The following ISOC1 variants were observed in gnomAD, a reference collection of about 807,000 sequenced individuals.
ISOC1 encodes the protein isochorismatase domain-containing protein 1.
In ISOC1, 33 loss-of-function variants were observed where a neutral mutation model predicts 30.0. That is an observed-to-expected ratio of 1.10 (90% CI 0.83 to 1.47). The LOEUF is 1.47. Among genes scored for constraint, ISOC1 ranks in the 40% most tolerant of loss-of-function variants. ISOC1 has a pLI of 0.00. For synonymous variants in ISOC1, 178 were observed against 159.8 expected, an observed-to-expected ratio of 1.11 and a Z score of -0.86; for missense variants, 372 against 388.0, an observed-to-expected ratio of 0.96 and a Z score of 0.35.
At position 129,105,172 on chromosome 5, in the gene ISOC1, T is replaced by C; in HGVS notation, c.430-13T>C. The C allele has an allele frequency of 6.2e-7, 1 of 1,613,196 alleles. No individual in the cohort carries two copies. The highest frequency in any genetic ancestry group is 8.5e-7 in the Non-Finnish European group (1 of 1,179,630). ...ATAGCTAATTGTTTTTGTGTTTGGT[T>C]ATTTTTTTTCAGTTGCAAGGGGCCC... On this transcript the variant is annotated splice_polypyrimidine_tract_variant and intron_variant, in intron 2 of 4. Transcript: ENST00000173527.
At chr5:129,111,053 T>C (rs1177034601) in intron 4 of ISOC1, among the ~76,000 whole-genome samples, 1 of 152,162 alleles carries the variant, frequency 6.6e-6, no homozygotes, top group Non-Finnish European at 1.5e-5. Flanking sequence ...CAGCTTATCA[T>C]ATTTATTATC....
intron 3 of ISOC1, among the ~76,000 whole-genome samples, chr5:129,106,690 C>CT (rs1753641275): frequency 6.6e-6 from 1 of 152,172 alleles, no homozygotes. Flanking sequence ...TTGTAAAACT[C>CT]TAAGAATATG....
chr5:129,112,365 C>T (rs186775294), intron 4 of ISOC1, among the ~76,000 whole-genome samples: 1 of 152,176 alleles, frequency 6.6e-6, no homozygotes, highest in East Asian at 1.9e-4. Flanking sequence ...TAAAAAATCT[C>T]AGTAGTAGAA....
At chr5:129,110,127 CT>C (rs1437691272) in intron 4 of ISOC1, among the ~76,000 whole-genome samples, 1 of 152,116 alleles carries the variant, frequency 6.6e-6, no homozygotes, top group Non-Finnish European at 1.5e-5. Flanking sequence ...TGGGTTTAGT[CT>C]TTTTCCCCCC....
chr5:129,100,643 T>C (rs1343190214), intron 1 of ISOC1, among the ~76,000 whole-genome samples: 1 of 152,192 alleles, frequency 6.6e-6, no homozygotes, highest in Non-Finnish European at 1.5e-5. Context: ...AACATGTAAA[T>C]GTTTGGCTAC....
At chr5:129,103,635 G>T (rs372483773) in intron 1 of ISOC1, among the ~76,000 whole-genome samples, 2 of 152,286 alleles carry the variant, frequency 1.3e-5, no homozygotes, top group East Asian at 3.9e-4. Flanking sequence ...AAGGATTAAA[G>T]ATTTCTTAAT....
chr5:129,108,126 G>A (rs1753660449), intron 4 of ISOC1, among the ~76,000 whole-genome samples: 1 of 152,210 alleles, frequency 6.6e-6, no homozygotes, highest in African/African-American at 2.4e-5. Flanking sequence ...AGACCCTCCA[G>A]TGTTCTATGC....
At chr5:129,110,271 T>G (rs916034616) in intron 4 of ISOC1, among the ~76,000 whole-genome samples, 1 of 152,194 alleles carries the variant, frequency 6.6e-6, no homozygotes, top group Non-Finnish European at 1.5e-5. Flanking sequence ...CTAATGCACA[T>G]GTACCTGTGT....
At chr5:129,105,426 T>G (rs2287751) in intron 3 of ISOC1, 38 bp downstream of exon 3, 1 of 1,530,890 alleles carries the variant, frequency 6.5e-7, no homozygotes, top group East Asian at 2.3e-5. Flanking sequence ...ACAATATTAT[T>G]TATAGAAAAC....
At chr5:129,096,296 C>G (rs1187681296) in intron 1 of ISOC1, among the ~76,000 whole-genome samples, 1 of 152,126 alleles carries the variant, frequency 6.6e-6, no homozygotes, top group Non-Finnish European at 1.5e-5. Context: ...AGAGCTTATT[C>G]CTATTATCTG....
At position 129,094,845 on chromosome 5, in the gene ISOC1, C is replaced by G; in HGVS notation, c.79C>G (p.Pro27Ala). Reference sequence around the variant, plus strand: ...CGCGGGGGCGCCGTCGGGCACAGTCCCGGTGCTCTTCTGTTTCTCAGTCTT... The same window carrying G: ...CGCGGGGGCGCCGTCGGGCACAGTCGCGGTGCTCTTCTGTTTCTCAGTCTT... ...GGAGAPSGTV[P>A]VLFCFSVFAR... is the part of the protein sequence containing the mutation. The change falls in exon 1 of 5, where the codon CCG becomes GCG. Residue 27 changes from proline to alanine, a missense_variant. Coordinates refer to ENST00000173527, the MANE Select transcript of ISOC1 (RefSeq NM_016048.2). The G allele has an allele frequency of 6.4e-7, 1 of 1,566,824 alleles. No homozygotes were observed. Among genetic ancestry groups the G allele is most frequent in the Non-Finnish European group, 8.6e-7 (1 of 1,158,524 alleles).
Position 129,113,416 on chromosome 5 carries a change from A to T in ISOC1, c.*415A>T, listed in dbSNP as rs996526392. 1 of 155,456 alleles carries T rather than the reference A, an allele frequency of 6.4e-6. No individual in the cohort carries two copies. Among genetic ancestry groups the T allele is most frequent in the Admixed American group, 6.3e-5 (1 of 15,766 alleles). 9.6% of individuals were successfully genotyped at this position (155,456 alleles called of 1,614,324 possible). On this transcript the variant is annotated 3_prime_UTR_variant, in exon 5 of 5. Transcript: ENST00000173527. The stretch of plus-strand genomic sequence containing the variant: ...GTAAGATGTTATAATGTTAATGTGG[A>T]TGTAGTGCTTTTACTTTACAGATTG...
intron 1 of ISOC1, 91 bp downstream of exon 1, chr5:129,095,166 C>T: frequency 7.8e-7 from 1 of 1,286,634 alleles, no homozygotes; most frequent in Non-Finnish European, 1.0e-6. Context: ...CCTCAGGTGC[C>T]CCGAGCCGCC....
At chr5:129,109,203 A>G (rs1753674064) in intron 4 of ISOC1, among the ~76,000 whole-genome samples, 1 of 152,228 alleles carries the variant, frequency 6.6e-6, no homozygotes, top group Non-Finnish European at 1.5e-5. Flanking sequence ...CTCTCGGATT[A>G]GGAATCCACA....
intron 1 of ISOC1, chr5:129,097,647 A>T (rs891521608): frequency 6.6e-6 from 1 of 152,330 alleles, no homozygotes; most frequent in African/African-American, 2.4e-5. Context: ...AGTGCAGAAG[A>T]ACATAGGGAG....
At position 129,112,858 on chromosome 5, in the gene ISOC1, C is replaced by G. The variant is rs1753727377; in HGVS notation, c.754C>G (p.Leu252Val). 1 of 1,611,842 alleles carries G rather than the reference C, an allele frequency of 6.2e-7. No homozygotes were observed. The change falls in exon 5 of 5, where the codon CTC becomes GTC. Residue 252 changes from leucine to valine, a missense_variant. Coordinates refer to ENST00000173527, the MANE Select transcript of ISOC1 (RefSeq NM_016048.2). Reference protein sequence around the residue: ...MMDRMFALERLARTGIIVTTS... With the variant: ...MMDRMFALERVARTGIIVTTS... ...TGCCTTTATCTTTTTGTTCAAGCGT[C>G]TCGCTCGAACCGGGATCATAGTGAC...
chr5:129,106,235 T>C (rs552554517), intron 3 of ISOC1, among the ~76,000 whole-genome samples: 4 of 152,304 alleles, frequency 2.6e-5, no homozygotes, highest in African/African-American at 7.2e-5. Flanking sequence ...TAATGAGGTG[T>C]CATTTGATAA....
chr5:129,112,876 A>G lies in ISOC1; in HGVS notation c.772A>G (p.Ile258Val), dbSNP rs769029815. The G allele has an allele frequency of 5.9e-5, 96 of 1,613,550 alleles. No individual in the cohort carries two copies. The highest frequency in any genetic ancestry group is 5.0e-4 in the Middle Eastern group (3 of 6,056). Residue 258 changes from isoleucine to valine, a missense_variant, in exon 5 of 5, where the codon ATA (isoleucine) becomes GTA (valine). Physicochemically the swap from Ile to Val is conservative, Grantham distance 29. Transcript: ENST00000173527. ...ALERLARTGI[I>V]VTTSEAVLLQ... ...CAAGCGTCTCGCTCGAACCGGGATC[A>G]TAGTGACCACGAGTGAGGCTGTTCT...
At chr5:129,106,028 CA>C (rs1753632677) in intron 3 of ISOC1, among the ~76,000 whole-genome samples, 1 of 152,114 alleles carries the variant, frequency 6.6e-6, no homozygotes, top group Non-Finnish European at 1.5e-5. Context: ...TAGGTTTTAA[CA>C]GTAGAAAGAT....
Sources: gnomAD v4.1 joint callset for allele counts (sites outside exome capture counted in the v4.1 genomes callset) on GRCh38, gnomAD v4.1.1 for gene constraint, MANE v1.5 for transcripts, NCBI Gene and HGNC (gene_info 2026-07-23, HGNC 2026-07-21) for gene names.